ABHD17C: variants seen among roughly 807,000 people sequenced by gnomAD.
ABHD17C encodes abhydrolase domain containing 17C, depalmitoylase.
In ABHD17C, 11 loss-of-function variants were observed where a neutral mutation model predicts 27.9. That is an observed-to-expected ratio of 0.39 (90% confidence interval 0.25 to 0.65). The LOEUF is 0.65. Ranked by LOEUF, ABHD17C falls within the 30% of genes least tolerant of loss-of-function variation. ABHD17C has a pLI of 0.45. For missense variants in ABHD17C, 280 were observed against 470.2 expected (o/e 0.60, Z 3.74); for synonymous variants, 233 against 209.1 (o/e 1.11, Z -0.98).
chr15:80,697,260 G>A (rs1431150430), intron 1 of ABHD17C, among the ~76,000 whole-genome samples: 2 of 152,140 alleles, frequency 1.3e-5, no homozygotes, highest in African/African-American at 2.4e-5. Context: ...ATAGCTTTTC[G>A]AAAGTGGCTT....
chr15:80,749,831 G>A, intron 2 of ABHD17C, 139 bp downstream of exon 2: 2 of 1,022,994 alleles, frequency 2.0e-6, no homozygotes, highest in South Asian at 1.6e-5. Flanking sequence ...AGGGCATGTG[G>A]GAGCAAATAT....
At chr15:80,731,439 G>C (rs7177476) in intron 1 of ABHD17C, among the ~76,000 whole-genome samples, 33,120 of 152,012 alleles carry the variant, frequency 0.22, 4,098 homozygotes, top group South Asian at 0.3. Flanking sequence ...AAGGAGGAGA[G>C]GTAATGGAAG....
rs538715340 is a variant in ABHD17C, at chr15:80,739,122, G to A, written c.591-10391G>A. Among the ~76,000 whole-genome samples, 3 of 152,300 alleles carry A rather than the reference G, an allele frequency of 2.0e-5. No individual in the cohort carries two copies. The East Asian group carries it at 5.8e-4, about 29-fold the overall frequency. ...ATGTGGTATTAAGGGAACCAGAGGA[G>A]AACATTTTCAGAATGACATGATGTA... is the stretch of plus-strand genomic sequence containing the variant. On this transcript the variant is annotated intron_variant, in intron 1 of 2. Coordinates refer to ENST00000258884, the MANE Select transcript of ABHD17C (RefSeq NM_021214.2).
chr15:80,726,501 G>GTTTGTTTTTTTTTTT (rs1894978114), intron 1 of ABHD17C, among the ~76,000 whole-genome samples: 5 of 94,508 alleles, frequency 5.3e-5, no homozygotes, highest in African/African-American at 2.1e-4. Context: ...TCTTTTTCTG[G>GTTTGTTTTTTTTTTT]TTTTTTTTTT....
chr15:80,725,949 G>C (rs1156982470), intron 1 of ABHD17C, among the ~76,000 whole-genome samples: 9 of 152,206 alleles, frequency 5.9e-5, no homozygotes, highest in Non-Finnish European at 7.3e-5. Context: ...GAGGTGTGAA[G>C]TGGGAAATCA....
intron 1 of ABHD17C, among the ~76,000 whole-genome samples, chr15:80,744,332 A>G (rs144402296): frequency 2.6e-5 from 4 of 152,164 alleles, no homozygotes; most frequent in African/African-American, 4.8e-5. Context: ...AACCATTGGC[A>G]TAGAGGTCAC....
chr15:80,750,849 C>A (rs188060295), intron 2 of ABHD17C, among the ~76,000 whole-genome samples: 1 of 150,774 alleles, frequency 6.6e-6, no homozygotes, highest in African/African-American at 2.4e-5. Flanking sequence ...GGAAGCAATG[C>A]GGGGAGTTAC....
chr15:80,733,905 C>A (rs1895089648), intron 1 of ABHD17C, among the ~76,000 whole-genome samples: 1 of 151,846 alleles, frequency 6.6e-6, no homozygotes, highest in Non-Finnish European at 1.5e-5. Context: ...TTCATGAAAT[C>A]TGTACCTTAA....
At chr15:80,713,900 CCACACACACACA>C (rs58311304) in intron 1 of ABHD17C, among the ~76,000 whole-genome samples, 39 of 141,146 alleles carry the variant, frequency 2.8e-4, no homozygotes, top group African/African-American at 7.2e-4. Flanking sequence ...CATATACAGA[CCACACACACACA>C]CACACACACA....
chr15:80,748,553 A>G (rs1895323058), intron 1 of ABHD17C, among the ~76,000 whole-genome samples: 1 of 152,046 alleles, frequency 6.6e-6, no homozygotes, highest in Non-Finnish European at 1.5e-5. Flanking sequence ...TGTATTAGAC[A>G]TTCGTCTTCA....
chr15:80,696,650 C>T (rs190979500), intron 1 of ABHD17C, among the ~76,000 whole-genome samples: 16 of 152,208 alleles, frequency 1.1e-4, no homozygotes, highest in East Asian at 5.8e-4. Context: ...CACACGGCCT[C>T]CATAACAGTC....
At position 80,712,067 on chromosome 15, in the gene ABHD17C, G is replaced by A. The variant is rs187196282; in HGVS notation, c.590+16048G>A. On this transcript the variant is annotated intron_variant, in intron 1 of 2. Transcript: ENST00000258884. ...TCCTTGCCAGCAAGACAGACTTCCC[G>A]TTCTCTGTCCCCATAGTTCTAAGAT... Among the ~76,000 whole-genome samples, 11 of 152,268 alleles carry A rather than the reference G, an allele frequency of 7.2e-5. No individual in the cohort carries two copies. The East Asian group carries it at 1.9e-3, about 27-fold the overall frequency.
intron 1 of ABHD17C, among the ~76,000 whole-genome samples, chr15:80,737,069 G>A (rs766017577): frequency 2.0e-5 from 3 of 151,966 alleles, no homozygotes; most frequent in Admixed American, 6.5e-5. Flanking sequence ...ACCCAAATTC[G>A]TGCTGATCAA....
intron 2 of ABHD17C, among the ~76,000 whole-genome samples, chr15:80,751,745 C>A (rs913164533): frequency 2.6e-5 from 4 of 152,148 alleles, no homozygotes; most frequent in Non-Finnish European, 4.4e-5. Context: ...CAGAGCAAGA[C>A]CCTGTCTCTT....
In ABHD17C at chr15:80,744,754, C is replaced by T. The variant is rs942067417; in HGVS notation, c.591-4759C>T. 4.6e-5 allele frequency among the ~76,000 whole-genome samples: 7 copies of T among 152,224 alleles called. No homozygotes were observed. In the South Asian group the frequency reaches 6.2e-4, roughly 13 times the overall value. The stretch of plus-strand genomic sequence containing the variant: ...TTTGAAAGAAGAAAAGCTACTCAGT[C>T]TCACCACCTGAAGACAACAGTTATT... On this transcript the variant is annotated intron_variant, in intron 1 of 2. Transcript: ENST00000258884.
chr15:80,726,809 G>A (rs984149071), intron 1 of ABHD17C, among the ~76,000 whole-genome samples: 1 of 152,222 alleles, frequency 6.6e-6, no homozygotes, highest in Non-Finnish European at 1.5e-5. Context: ...ACAGGCGTGA[G>A]CCGCCACACC....
At chr15:80,742,853 G>A (rs962524284) in intron 1 of ABHD17C, among the ~76,000 whole-genome samples, 1 of 152,072 alleles carries the variant, frequency 6.6e-6, no homozygotes, top group African/African-American at 2.4e-5. Flanking sequence ...AAGAAGGAAG[G>A]CATCGTTCTT....
rs760995777 is a variant in ABHD17C at position 80,749,690 on chromosome 15, C to G, written c.768C>G (p.Pro256=). 6.8e-6 allele frequency: 11 copies of G among 1,613,506 alleles called. No individual in the cohort carries two copies. The East Asian group carries it at 2.2e-4, about 33-fold the overall frequency. Residue 256 remains proline, a splice_region_variant and synonymous_variant, in exon 2 of 3, where the codon CCC becomes CCG. Coordinates refer to ENST00000258884, the MANE Select transcript of ABHD17C (RefSeq NM_021214.2). ...AAACATACTGCTTTGATGCTTTCCCCAGGTAAGTTCATGCTTGTCCAACAA... is the reference window on the plus strand; with the variant it reads ...AAACATACTGCTTTGATGCTTTCCCGAGGTAAGTTCATGCTTGTCCAACAA... ...TRKTYCFDAF[P]SIDKISKVTS...
In ABHD17C at chr15:80,754,428, C is replaced by A; in HGVS notation, c.*58C>A. The A allele has an allele frequency of 7.0e-7, 1 of 1,431,724 alleles. No individual in the cohort carries two copies. The allele number at this position is 1,431,724 out of a possible 1,614,324, so 88.7% of individuals were successfully genotyped here. ...GAACAGAAGAGTCCTCTGTTTTGCACATGCTTTAACTGGGTAGCTGTAAAG... is the reference window on the plus strand; with the variant it reads ...GAACAGAAGAGTCCTCTGTTTTGCAAATGCTTTAACTGGGTAGCTGTAAAG... On this transcript the variant is annotated 3_prime_UTR_variant, in exon 3 of 3. Transcript: ENST00000258884.
Sources: gnomAD v4.1 joint callset for allele counts (sites outside exome capture counted in the v4.1 genomes callset) on GRCh38, gnomAD v4.1.1 for gene constraint, MANE v1.5 for transcripts, NCBI Gene and HGNC (gene_info 2026-07-23, HGNC 2026-07-21) for gene names.